RPH3A: variants seen among roughly 807,000 people sequenced by gnomAD.
The protein encoded by RPH3A is rabphilin 3A.
Under a neutral mutation model 102.2 loss-of-function variants are expected in RPH3A, and 48 were observed. That is an observed-to-expected ratio of 0.47 (90% CI 0.37 to 0.60). The LOEUF is 0.60. Ranked by LOEUF, RPH3A falls within the 20% of genes least tolerant of loss-of-function variation. The probability of loss-of-function intolerance (pLI) is 0.00; values close to 1 mark genes in which losing one functional copy is unlikely to be tolerated. For synonymous variants in RPH3A, 310 were observed against 324.3 expected, an observed-to-expected ratio of 0.96 and a Z score of 0.47; for missense variants, 781 against 910.1, an observed-to-expected ratio of 0.86 and a Z score of 1.83.
chr12:112,757,050 C>A (rs2040827354), intron 1 of RPH3A, among the ~76,000 whole-genome samples: 1 of 152,196 alleles, frequency 6.6e-6, no homozygotes, highest in Non-Finnish European at 1.5e-5. Context: ...ACTCTCTATT[C>A]ATTACCCTTC....
intron 1 of RPH3A, among the ~76,000 whole-genome samples, chr12:112,673,669 T>A (rs995189544): frequency 3.3e-5 from 5 of 152,190 alleles, no homozygotes; most frequent in African/African-American, 1.2e-4. Flanking sequence ...CAAGCATTTA[T>A]CCTTTGAGTT....
chr12:112,681,996 T>C (rs1349842287), intron 1 of RPH3A, among the ~76,000 whole-genome samples: 1 of 152,224 alleles, frequency 6.6e-6, no homozygotes, highest in Non-Finnish European at 1.5e-5. Flanking sequence ...ACAAATGGTG[T>C]TTGGATTAGT....
intron 17 of RPH3A, among the ~76,000 whole-genome samples, chr12:112,889,044 G>T (rs1429612232): frequency 6.6e-6 from 1 of 152,214 alleles, no homozygotes; most frequent in African/African-American, 2.4e-5. Context: ...GGGTGCAGGA[G>T]CATCTTCCCA....
chr12:112,654,897 C>A (rs982367683), intron 1 of RPH3A, among the ~76,000 whole-genome samples: 84 of 152,210 alleles, frequency 5.5e-4, no homozygotes, highest in African/African-American at 1.9e-3. Context: ...ATTATCAACA[C>A]TAAGCAAAAT....
intron 1 of RPH3A, among the ~76,000 whole-genome samples, chr12:112,700,173 G>T (rs1434539574): frequency 6.6e-6 from 1 of 151,732 alleles, no homozygotes; most frequent in Admixed American, 6.6e-5. Flanking sequence ...GGGTTCAAGC[G>T]ATTCTCCTGC....
intron 1 of RPH3A, among the ~76,000 whole-genome samples, chr12:112,664,280 C>T (rs1325761171): frequency 6.6e-6 from 1 of 151,956 alleles, no homozygotes; most frequent in East Asian, 1.9e-4. Flanking sequence ...ACTTTATGAG[C>T]CATGATGAGG....
At chr12:112,641,640 C>T (rs763046383) in intron 1 of RPH3A, among the ~76,000 whole-genome samples, 1 of 152,142 alleles carries the variant, frequency 6.6e-6, no homozygotes, top group Non-Finnish European at 1.5e-5. Context: ...CCAAGTGATC[C>T]GTCCACCTCG....
At chr12:112,716,980 G>A (rs940895315) in intron 1 of RPH3A, among the ~76,000 whole-genome samples, 2 of 152,070 alleles carry the variant, frequency 1.3e-5, no homozygotes, top group African/African-American at 4.8e-5. Flanking sequence ...ATGAATAATA[G>A]CAAACATCAA....
intron 1 of RPH3A, among the ~76,000 whole-genome samples, chr12:112,686,171 G>C (rs2040261902): frequency 6.6e-6 from 1 of 152,112 alleles, no homozygotes; most frequent in Non-Finnish European, 1.5e-5. Context: ...TTCCCTCTGT[G>C]ATGACTGTAA....
chr12:112,759,982 C>T (rs2040844680), intron 1 of RPH3A, among the ~76,000 whole-genome samples: 1 of 152,294 alleles, frequency 6.6e-6, no homozygotes, highest in South Asian at 2.1e-4. Flanking sequence ...GCTGGACCAG[C>T]CGGCCCGACC....
intron 1 of RPH3A, among the ~76,000 whole-genome samples, chr12:112,625,106 A>G (rs1766405516): frequency 8.7e-6 from 1 of 115,294 alleles, no homozygotes; most frequent in Non-Finnish European, 1.7e-5. Context: ...TATCATACTG[A>G]ATGGGCAAAA....
In RPH3A at chr12:112,729,201, C is replaced by T. The variant is rs553413270; in HGVS notation, c.-139-62942C>T. ...TCACCCAGGCTGGAGTGTGGTGACA[C>T]AATCATGGCTCACTGCAGCCTTGAC... On this transcript the variant is annotated intron_variant, in intron 1 of 21. Coordinates refer to the RPH3A transcript ENST00000543106. Among the ~76,000 whole-genome samples, 628 of 151,644 alleles carry T rather than the reference C, an allele frequency of 4.1e-3. 5 individuals are homozygous for T. Among genetic ancestry groups the T allele is most frequent in the African/African-American group, 0.015 (600 of 41,308 alleles).
intron 1 of RPH3A, among the ~76,000 whole-genome samples, chr12:112,663,659 A>G (rs1340236847): frequency 2.6e-5 from 4 of 152,138 alleles, no homozygotes; most frequent in South Asian, 2.1e-4. Context: ...GCCTGGCCCC[A>G]TAAATTCTTA....
chr12:112,713,046 CTTCTCCTTCTTCTT>C (rs1565857443), intron 1 of RPH3A, among the ~76,000 whole-genome samples: 39 of 73,936 alleles, frequency 5.3e-4, no homozygotes, highest in Admixed American at 2.5e-3. Flanking sequence ...TCTTCTTCTT[CTTCTCCTTCTTCTT>C]CTTCTTCTTC....
intron 1 of RPH3A, among the ~76,000 whole-genome samples, chr12:112,776,857 G>C (rs375981083): frequency 8.7e-6 from 1 of 114,714 alleles, no homozygotes; most frequent in Non-Finnish European, 1.7e-5. Context: ...CTGGGCGACA[G>C]AGTGAGACTC....
intron 14 of RPH3A, among the ~76,000 whole-genome samples, chr12:112,880,714 A>G (rs780469253): frequency 1.3e-5 from 2 of 152,130 alleles, no homozygotes; most frequent in Admixed American, 1.3e-4. Context: ...TTCCCTAAAA[A>G]CTTAACTACT....
intron 1 of RPH3A, among the ~76,000 whole-genome samples, chr12:112,712,993 GTCTTCCTCTTCC>G (rs200802149): frequency 1.2e-4 from 7 of 58,974 alleles, no homozygotes; most frequent in Non-Finnish European, 1.9e-4. Context: ...CGTCGTCTTT[GTCTTCCTCTTCC>G]TCTTCCTCTT....
chr12:112,585,934 C>T (rs1160134313), intron 1 of RPH3A, among the ~76,000 whole-genome samples: 3 of 152,104 alleles, frequency 2.0e-5, no homozygotes, highest in African/African-American at 7.2e-5. Flanking sequence ...TTCCTGGATC[C>T]CCCAGAAATT....
chr12:112,648,744 CAAAAAA>C (rs1197742131), intron 1 of RPH3A, among the ~76,000 whole-genome samples: 38 of 59,074 alleles, frequency 6.4e-4, no homozygotes, highest in Non-Finnish European at 9.5e-4. Context: ...GACACGGTCT[CAAAAAA>C]AAAAAAAAAA....
Sources: gnomAD v4.1 joint callset for allele counts (sites outside exome capture counted in the v4.1 genomes callset) on GRCh38, gnomAD v4.1.1 for gene constraint, MANE v1.5 for transcripts, NCBI Gene and HGNC (gene_info 2026-07-23, HGNC 2026-07-21) for gene names.